HEMK2: variants seen among roughly 807,000 people sequenced by gnomAD.
HEMK2 encodes methyltransferase HEMK2.
the HEMK2 span, among the ~76,000 whole-genome samples, chr21:28,698,151 T>C: frequency 2.0e-5 from 3 of 152,224 alleles, no homozygotes; most frequent in African/African-American, 4.8e-5. Flanking sequence ...ACTATCAATA[T>C]ATGAATTTAG....
chr21:28,713,784 T>C, the HEMK2 span, among the ~76,000 whole-genome samples: 1 of 152,270 alleles, frequency 6.6e-6, no homozygotes, highest in East Asian at 1.9e-4. Flanking sequence ...TCTGTGAAGA[T>C]GGCACATAGC....
the HEMK2 span, among the ~76,000 whole-genome samples, chr21:28,881,755 C>T: frequency 6.6e-6 from 1 of 151,894 alleles, no homozygotes; most frequent in East Asian, 1.9e-4. Context: ...TCTCAGCCTC[C>T]CAAGTAGCTG....
the HEMK2 span, among the ~76,000 whole-genome samples, chr21:28,723,063 G>GCA: frequency 6.6e-6 from 1 of 151,844 alleles, no homozygotes; most frequent in Non-Finnish European, 1.5e-5. Context: ...ACGCTGGAGT[G>GCA]CAGTGGTGCA....
the HEMK2 span, among the ~76,000 whole-genome samples, chr21:28,854,216 T>C: frequency 6.6e-6 from 1 of 152,226 alleles, no homozygotes; most frequent in South Asian, 2.1e-4. Context: ...GCTAAGTTCC[T>C]TGCCTCTAAT....
the HEMK2 span, among the ~76,000 whole-genome samples, chr21:28,784,651 G>A: frequency 2.0e-5 from 3 of 151,896 alleles, no homozygotes; most frequent in South Asian, 4.2e-4. Flanking sequence ...ACCAATCAGT[G>A]CTCTGTGTCT....
chr21:28,584,178 C>T, the HEMK2 span, among the ~76,000 whole-genome samples: 1 of 152,168 alleles, frequency 6.6e-6, no homozygotes, highest in East Asian at 1.9e-4. Context: ...CAAGGGAGTT[C>T]TTTTCTTACC....
the HEMK2 span, among the ~76,000 whole-genome samples, chr21:28,802,565 T>TA: frequency 5.3e-5 from 8 of 151,494 alleles, no homozygotes; most frequent in Non-Finnish European, 7.4e-5. Flanking sequence ...CCGTCTCTAC[T>TA]AAAAAAAACA....
chr21:28,603,886 T>C, the HEMK2 span, among the ~76,000 whole-genome samples: 6 of 152,200 alleles, frequency 3.9e-5, no homozygotes, highest in Non-Finnish European at 7.3e-5. Context: ...TCCTACCTGG[T>C]TGATTCCAGA....
the HEMK2 span, among the ~76,000 whole-genome samples, chr21:28,717,415 G>A: frequency 6.6e-6 from 1 of 150,604 alleles, no homozygotes; most frequent in African/African-American, 2.4e-5. Context: ...ATACCTAGAA[G>A]TGTTCATAAT....
the HEMK2 span, among the ~76,000 whole-genome samples, chr21:28,659,667 G>A: frequency 2.0e-5 from 3 of 152,110 alleles, no homozygotes; most frequent in South Asian, 4.1e-4. Context: ...AAGAGAAATA[G>A]GTAATGAGAC....
the HEMK2 span, among the ~76,000 whole-genome samples, chr21:28,766,005 G>A: frequency 2.9e-4 from 44 of 152,136 alleles, no homozygotes; most frequent in African/African-American, 9.6e-4. Context: ...TCCTTTGCAG[G>A]GACATGGATG....
At chr21:28,846,057 C>T in the HEMK2 span, among the ~76,000 whole-genome samples, 1 of 152,174 alleles carries the variant, frequency 6.6e-6, no homozygotes, top group African/African-American at 2.4e-5. Flanking sequence ...ATTTAGTTTT[C>T]TGTCCTTACA....
chr21:28,864,664 T>G, the HEMK2 span, among the ~76,000 whole-genome samples: 1 of 152,196 alleles, frequency 6.6e-6, no homozygotes. Context: ...CATGTTGTCC[T>G]TATCATCTTC....
At chr21:28,831,266 G>A in the HEMK2 span, among the ~76,000 whole-genome samples, 54 of 151,564 alleles carry the variant, frequency 3.6e-4, no homozygotes, top group Admixed American at 2.2e-3. Context: ...CCAAGATGGC[G>A]AAACCCCCGT....
At chr21:28,772,269 A>G in the HEMK2 span, among the ~76,000 whole-genome samples, 19 of 152,204 alleles carry the variant, frequency 1.2e-4, no homozygotes, top group African/African-American at 4.3e-4. Context: ...AGTGGAGAAC[A>G]TCTTTGTTTA....
the HEMK2 span, among the ~76,000 whole-genome samples, chr21:28,630,678 G>T: frequency 6.7e-6 from 1 of 148,588 alleles, no homozygotes; most frequent in Non-Finnish European, 1.5e-5. Context: ...CTATCGCAAG[G>T]ACAAAAAACC....
the HEMK2 span, among the ~76,000 whole-genome samples, chr21:28,704,458 A>C: frequency 0.56 from 85,249 of 151,758 alleles, 26,855 homozygotes; most frequent in East Asian, 0.84. Flanking sequence ...CTGGGTGAGA[A>C]ACAAGTGATT....
chr21:28,760,300 C>T, the HEMK2 span, among the ~76,000 whole-genome samples: 2 of 152,184 alleles, frequency 1.3e-5, no homozygotes, highest in South Asian at 2.1e-4. Flanking sequence ...CATGCTATAT[C>T]AAGGCCTTCA....
the HEMK2 span, among the ~76,000 whole-genome samples, chr21:28,596,428 C>G: frequency 6.6e-6 from 1 of 152,194 alleles, no homozygotes; most frequent in Admixed American, 6.5e-5. Context: ...AACACATACA[C>G]TAAATCCCTA....
Sources: allele counts gnomAD v4.1 joint callset (sites outside exome capture counted in the v4.1 genomes callset), GRCh38; gene constraint gnomAD v4.1.1; transcripts MANE v1.5; gene names NCBI Gene and HGNC (gene_info 2026-07-23, HGNC 2026-07-21).